Variants in LIN28B observed in about 807,000 individuals in gnomAD.
LIN28B encodes lin-28 RNA binding posttranscriptional regulator B, also known as protein lin-28 homolog B.
Under a neutral mutation model 21.9 loss-of-function variants are expected in LIN28B, and 5 were observed. The ratio of observed to expected loss-of-function variants is 0.23; its 90% confidence interval spans 0.12 to 0.48. The LOEUF is 0.48. Among genes scored for constraint, LIN28B ranks in the 20% least tolerant of loss-of-function variants. The pLI is 0.98. For synonymous variants in LIN28B, 109 were observed against 111.3 expected, an observed-to-expected ratio of 0.98 and a Z score of 0.13; for missense variants, 245 against 310.5, an observed-to-expected ratio of 0.79 and a Z score of 1.58.
At position 105,007,555 on chromosome 6, in the gene LIN28B, C is replaced by T. The variant is rs1054783200; in HGVS notation, c.199-18743C>T. 6.7e-5 allele frequency among the ~76,000 whole-genome samples: 10 copies of T among 150,294 alleles called. No homozygotes were observed. In the East Asian group the frequency reaches 7.8e-4, roughly 12 times the overall value. On this transcript the variant is annotated intron_variant, in intron 2 of 3. Transcript: ENST00000345080. ...TCTTTTTTTTTTTTTAAGAGTGTCT[C>T]GCTCTGTTGCCCAGGCTGGAGTGCA...
intron 2 of LIN28B, among the ~76,000 whole-genome samples, chr6:104,981,631 A>G (rs1368355388): frequency 6.6e-6 from 1 of 152,220 alleles, no homozygotes; most frequent in African/African-American, 2.4e-5. Flanking sequence ...TGCGATTTGT[A>G]AAGCCGCTTC....
intron 2 of LIN28B, among the ~76,000 whole-genome samples, chr6:105,023,107 A>G (rs1035259173): frequency 1.4e-5 from 2 of 143,592 alleles, no homozygotes; most frequent in African/African-American, 2.6e-5. Context: ...CCTTTCAACA[A>G]TCTTTTCCAC....
intron 2 of LIN28B, among the ~76,000 whole-genome samples, chr6:104,980,975 A>G (rs749113733): frequency 6.6e-6 from 1 of 152,128 alleles, no homozygotes; most frequent in South Asian, 2.1e-4. Flanking sequence ...CTGGGTGTTT[A>G]GCCCATTCTT....
At chr6:104,991,498 G>A (rs1204812204) in intron 2 of LIN28B, among the ~76,000 whole-genome samples, 3 of 150,472 alleles carry the variant, frequency 2.0e-5, no homozygotes, top group African/African-American at 4.9e-5. Flanking sequence ...ACGGGATGGC[G>A]GCCGGGAAGA....
chr6:105,014,387 T>G (rs1401652969), intron 2 of LIN28B, among the ~76,000 whole-genome samples: 1 of 152,240 alleles, frequency 6.6e-6, no homozygotes, highest in African/African-American at 2.4e-5. Flanking sequence ...TGGCGCAATC[T>G]TGGCTCACTG....
chr6:104,971,571 A>G (rs890687064), intron 2 of LIN28B, among the ~76,000 whole-genome samples: 1 of 152,168 alleles, frequency 6.6e-6, no homozygotes, highest in Non-Finnish European at 1.5e-5. Context: ...CTACATAGAA[A>G]GGCTACTTAA....
intron 2 of LIN28B, among the ~76,000 whole-genome samples, chr6:104,938,603 C>CA (rs749668821): frequency 6.6e-6 from 1 of 150,514 alleles, no homozygotes; most frequent in Non-Finnish European, 1.5e-5. Flanking sequence ...TGCACTACTG[C>CA]ACTCAAGCCT....
At chr6:105,072,794 A>G (rs1420885715) in intron 3 of LIN28B, among the ~76,000 whole-genome samples, 2 of 152,230 alleles carry the variant, frequency 1.3e-5, no homozygotes, top group African/African-American at 2.4e-5. Flanking sequence ...AATTCATTAA[A>G]GTATAGGTTG....
intron 2 of LIN28B, among the ~76,000 whole-genome samples, chr6:104,996,979 G>C (rs927607587): frequency 2.0e-5 from 3 of 151,960 alleles, no homozygotes; most frequent in African/African-American, 7.3e-5. Flanking sequence ...GTGAAACCTT[G>C]GTTTTTAAAA....
intron 2 of LIN28B, among the ~76,000 whole-genome samples, chr6:105,016,570 C>G (rs74635856): frequency 1.3e-5 from 2 of 152,176 alleles, no homozygotes; most frequent in East Asian, 3.9e-4. Flanking sequence ...TCTTGATGTC[C>G]TCATCTAAGT....
intron 2 of LIN28B, among the ~76,000 whole-genome samples, chr6:104,943,773 A>G (rs757324277): frequency 3.9e-5 from 6 of 152,148 alleles, no homozygotes; most frequent in Non-Finnish European, 5.9e-5. Context: ...ACAAATAACT[A>G]CTGTTTTTGA....
intron 3 of LIN28B, among the ~76,000 whole-genome samples, chr6:105,054,674 A>G (rs62419623): frequency 0.085 from 12,864 of 152,204 alleles, 555 homozygotes; most frequent in African/African-American, 0.1. Flanking sequence ...AAAGCAATCA[A>G]CTTAGTCCTA....
intron 2 of LIN28B, among the ~76,000 whole-genome samples, chr6:105,004,435 C>T (rs565408231): frequency 1.3e-5 from 2 of 152,184 alleles, no homozygotes; most frequent in African/African-American, 4.8e-5. Context: ...GTAGTGGTCT[C>T]TTTTGGTATT....
chr6:105,030,592 CTTTTTTTTT>C (rs980799980), intron 3 of LIN28B, among the ~76,000 whole-genome samples: 1 of 106,596 alleles, frequency 9.4e-6, no homozygotes, highest in African/African-American at 3.6e-5. Flanking sequence ...TTCTTTCTTT[CTTTTTTTTT>C]TTTTTTTTTT....
intron 2 of LIN28B, among the ~76,000 whole-genome samples, chr6:104,969,850 AC>A (rs1371235558): frequency 1.3e-5 from 2 of 152,218 alleles, no homozygotes; most frequent in Admixed American, 6.5e-5. Context: ...TAATAACAGC[AC>A]AAGTTTATGA....
intron 2 of LIN28B, among the ~76,000 whole-genome samples, chr6:104,969,655 T>C (rs1769934410): frequency 6.6e-6 from 1 of 152,232 alleles, no homozygotes; most frequent in African/African-American, 2.4e-5. Context: ...GGTATCCTGT[T>C]GGTAGTGAAA....
At chr6:105,012,508 T>G (rs1179805790) in intron 2 of LIN28B, among the ~76,000 whole-genome samples, 1 of 151,848 alleles carries the variant, frequency 6.6e-6, no homozygotes, top group East Asian at 1.9e-4. Flanking sequence ...ACAAAAACCC[T>G]ATCGTTTGTT....
chr6:105,070,619 C>CACAT (rs1772313907), intron 3 of LIN28B, among the ~76,000 whole-genome samples: 1 of 150,656 alleles, frequency 6.6e-6, no homozygotes, highest in Non-Finnish European at 1.5e-5. Context: ...CACACACACA[C>CACAT]ACACACACAC....
chr6:104,989,117 C>T (rs887655569), intron 2 of LIN28B, among the ~76,000 whole-genome samples: 12 of 151,970 alleles, frequency 7.9e-5, no homozygotes, highest in East Asian at 1.9e-4. Context: ...ATTTTATCTT[C>T]GATTTTGTTG....
Sources: allele counts gnomAD v4.1 joint callset (sites outside exome capture counted in the v4.1 genomes callset), GRCh38; gene constraint gnomAD v4.1.1; transcripts MANE v1.5; gene names NCBI Gene and HGNC (gene_info 2026-07-23, HGNC 2026-07-21).